The following ADAMTS17 variants were observed in gnomAD, a reference collection of about 807,000 sequenced individuals.
ADAMTS17 encodes the protein A disintegrin and metalloproteinase with thrombospondin motifs 17.
In ADAMTS17, 113 loss-of-function variants were observed where a neutral mutation model predicts 141.5. The ratio of observed to expected loss-of-function variants is 0.80; its 90% CI spans 0.69 to 0.93. ADAMTS17 has a LOEUF of 0.93. Among genes scored for constraint, ADAMTS17 ranks in the 40% least tolerant of loss-of-function variants. The pLI is 0.00. For synonymous variants in ADAMTS17, 768 were observed against 630.6 expected (o/e 1.22, Z -3.27); for missense variants, 1,659 against 1,517.9 (o/e 1.09, Z -1.54).
At chr15:100,292,965 T>C (rs72633243) in intron 3 of ADAMTS17, among the ~76,000 whole-genome samples, 10,117 of 152,284 alleles carry the variant, frequency 0.066, 630 homozygotes, top group East Asian at 0.24. Flanking sequence ...GACCATCTGG[T>C]GATACAATAG....
chr15:100,236,962 T>C (rs769335140), intron 7 of ADAMTS17, among the ~76,000 whole-genome samples: 2 of 152,182 alleles, frequency 1.3e-5, no homozygotes, highest in Non-Finnish European at 2.9e-5. Context: ...GGTTCCCAGC[T>C]TCAATTCTCC....
chr15:100,242,203 G>A (rs74636097), intron 7 of ADAMTS17, among the ~76,000 whole-genome samples: 6,799 of 152,262 alleles, frequency 0.045, 341 homozygotes, highest in African/African-American at 0.11. Flanking sequence ...TTAATTCCAA[G>A]TGCTGCAATG....
intron 14 of ADAMTS17, among the ~76,000 whole-genome samples, chr15:100,103,795 C>T (rs1433375263): frequency 1.3e-5 from 2 of 152,068 alleles, no homozygotes; most frequent in Non-Finnish European, 2.9e-5. Context: ...AGGCTGGTCT[C>T]GAACTCCTGA....
chr15:100,221,193 T>C (rs1333620623), intron 7 of ADAMTS17, among the ~76,000 whole-genome samples: 1 of 152,070 alleles, frequency 6.6e-6, no homozygotes, highest in Non-Finnish European at 1.5e-5. Flanking sequence ...ATCTTCTCAA[T>C]TAAATAACAC....
intron 20 of ADAMTS17, among the ~76,000 whole-genome samples, chr15:99,977,907 G>A (rs1396333687): frequency 6.6e-6 from 1 of 152,106 alleles, no homozygotes; most frequent in Non-Finnish European, 1.5e-5. Context: ...GTGTCCACCA[G>A]AGCCCACACA....
At chr15:100,230,533 A>C (rs1394361248) in intron 7 of ADAMTS17, among the ~76,000 whole-genome samples, 1 of 152,218 alleles carries the variant, frequency 6.6e-6, no homozygotes. Context: ...GATGGTCTGC[A>C]AATTGCAATG....
intron 14 of ADAMTS17, among the ~76,000 whole-genome samples, chr15:100,107,136 C>T (rs1460543022): frequency 2.0e-5 from 3 of 152,188 alleles, no homozygotes; most frequent in African/African-American, 4.8e-5. Context: ...TGGGTGGAAA[C>T]GGTTTGCTGC....
intron 7 of ADAMTS17, among the ~76,000 whole-genome samples, chr15:100,245,077 T>C (rs59345658): frequency 0.65 from 98,354 of 152,104 alleles, 32,986 homozygotes; most frequent in South Asian, 0.8. Flanking sequence ...AGGCGTTCCT[T>C]GGCCATGAGG....
chr15:100,143,869 AATG>A (rs1321143094), intron 10 of ADAMTS17, among the ~76,000 whole-genome samples: 2 of 152,200 alleles, frequency 1.3e-5, no homozygotes, highest in Non-Finnish European at 2.9e-5. Context: ...TGAGTAGGGA[AATG>A]ATGTTTAAAT....
chr15:100,193,622 G>A (rs555960905), intron 8 of ADAMTS17, among the ~76,000 whole-genome samples: 1 of 152,326 alleles, frequency 6.6e-6, no homozygotes, highest in South Asian at 2.1e-4. Context: ...CCGAGAGTGA[G>A]CGCATCGGTC....
intron 8 of ADAMTS17, among the ~76,000 whole-genome samples, chr15:100,172,525 C>A (rs2040198143): frequency 2.0e-5 from 3 of 152,162 alleles, no homozygotes; most frequent in African/African-American, 4.8e-5. Flanking sequence ...TCCTGACTCA[C>A]CTCTGGTCAC....
At chr15:100,315,732 ACACACACACT>A (rs144883361) in intron 3 of ADAMTS17, among the ~76,000 whole-genome samples, 12,230 of 152,256 alleles carry the variant, frequency 0.08, 555 homozygotes, top group African/African-American at 0.1. Context: ...AACTTTAAAG[ACACACACACT>A]CACACACAGT....
chr15:100,095,293 T>C (rs971439275), intron 15 of ADAMTS17, among the ~76,000 whole-genome samples: 1 of 152,230 alleles, frequency 6.6e-6, no homozygotes, highest in Non-Finnish European at 1.5e-5. Context: ...TGCATTTGCA[T>C]TTCCTCTGGT....
At chr15:100,264,155 C>A (rs866093516) in intron 4 of ADAMTS17, among the ~76,000 whole-genome samples, 17 of 152,358 alleles carry the variant, frequency 1.1e-4, no homozygotes, top group Middle Eastern at 6.8e-3. Flanking sequence ...TCCAAAATCT[C>A]CTTTCCTCAG....
At chr15:100,080,135 A>C (rs1313995921) in intron 15 of ADAMTS17, among the ~76,000 whole-genome samples, 1 of 152,064 alleles carries the variant, frequency 6.6e-6, no homozygotes, top group Non-Finnish European at 1.5e-5. Flanking sequence ...ACCCCTAGTG[A>C]TCCCCTAGCA....
intron 18 of ADAMTS17, among the ~76,000 whole-genome samples, chr15:100,011,303 G>C (rs1191615087): frequency 2.9e-5 from 4 of 138,404 alleles, no homozygotes; most frequent in African/African-American, 1.1e-4. Context: ...GGAGGGAGGG[G>C]AGGGAAGGAA....
intron 15 of ADAMTS17, among the ~76,000 whole-genome samples, chr15:100,070,995 G>T (rs186565723): frequency 2.0e-5 from 3 of 150,158 alleles, no homozygotes; most frequent in African/African-American, 7.4e-5. Flanking sequence ...CAGACCACTA[G>T]CAAGACTAAT....
intron 6 of ADAMTS17, among the ~76,000 whole-genome samples, chr15:100,254,635 T>C (rs1457044522): frequency 6.6e-6 from 1 of 152,218 alleles, no homozygotes; most frequent in African/African-American, 2.4e-5. Context: ...AAGTCATTTC[T>C]AAAAACTGTA....
chr15:100,078,465 G>C (rs550489244), intron 15 of ADAMTS17, among the ~76,000 whole-genome samples: 18 of 152,132 alleles, frequency 1.2e-4, no homozygotes, highest in Non-Finnish European at 2.1e-4. Flanking sequence ...AATATTCATC[G>C]GGGAAAGAAC....
Sources: allele counts gnomAD v4.1 joint callset (sites outside exome capture counted in the v4.1 genomes callset), GRCh38; gene constraint gnomAD v4.1.1; transcripts MANE v1.5; gene names NCBI Gene and HGNC (gene_info 2026-07-23, HGNC 2026-07-21).